The following USP34 variants were observed in gnomAD, a reference collection of about 807,000 sequenced individuals.
USP34 encodes ubiquitin carboxyl-terminal hydrolase 34.
Under a neutral mutation model 460.3 loss-of-function variants are expected in USP34, and 70 were observed. The observed-to-expected ratio is 0.15, with a 90% CI of 0.13 to 0.19. The LOEUF (loss-of-function observed/expected upper bound fraction) is 0.19, where lower values mean the gene tolerates loss of function less well. Ranked by LOEUF, USP34 falls within the 10% of genes least tolerant of loss-of-function variation. The pLI is 1.00. For missense variants in USP34, 3,985 were observed against 4,236.2 expected (o/e 0.94, Z 1.65); for synonymous variants, 1,647 against 1,405.3 (o/e 1.17, Z -3.85).
In USP34 at chr2:61,414,158, G is replaced by C. The variant is rs1694128696; in HGVS notation, c.131+6588C>G. 2.6e-5 allele frequency among the ~76,000 whole-genome samples: 4 copies of C among 151,998 alleles called. No homozygotes were observed. The South Asian group carries it at 6.2e-4, about 24-fold the overall frequency. On this transcript the variant is annotated intron_variant, in intron 2 of 79. Coordinates refer to ENST00000398571, the MANE Select transcript of USP34 (RefSeq NM_014709.4). ...TAGTCCCAGCTACTCGGGAGGCTGAGGCAGGAGAACTGCTTGGACCCAGGA... is the reference window on the plus strand; with the variant it reads ...TAGTCCCAGCTACTCGGGAGGCTGACGCAGGAGAACTGCTTGGACCCAGGA...
At chr2:61,262,182 C>CTTT (rs537665771) in intron 43 of USP34, among the ~76,000 whole-genome samples, 32 of 131,076 alleles carry the variant, frequency 2.4e-4, no homozygotes, top group African/African-American at 8.3e-4. Flanking sequence ...CACAGGTCTC[C>CTTT]TTTTTTTTTT....
intron 1 of USP34, among the ~76,000 whole-genome samples, chr2:61,453,221 G>A (rs1324684714): frequency 6.6e-6 from 1 of 151,996 alleles, no homozygotes; most frequent in African/African-American, 2.4e-5. Flanking sequence ...GACCAGCCTG[G>A]GCAACATGGT....
At chr2:61,438,950 G>A (rs545710361) in intron 1 of USP34, among the ~76,000 whole-genome samples, 1 of 152,174 alleles carries the variant, frequency 6.6e-6, no homozygotes, top group East Asian at 1.9e-4. Flanking sequence ...ACACCTCAGA[G>A]CTAAAAAATT....
At chr2:61,296,419 T>G (rs12622458) in intron 30 of USP34, among the ~76,000 whole-genome samples, 49,738 of 152,094 alleles carry the variant, frequency 0.33, 8,346 homozygotes, top group Non-Finnish European at 0.38. Context: ...GTCAGTTAAT[T>G]TGTATAAGCA....
chr2:61,429,785 G>A (rs893017746), intron 1 of USP34, among the ~76,000 whole-genome samples: 3 of 152,196 alleles, frequency 2.0e-5, no homozygotes, highest in African/African-American at 7.2e-5. Flanking sequence ...TTTCTAGCTG[G>A]ACACAGTGGC....
At chr2:61,332,490 CTTGA>C (rs1256938492) in intron 19 of USP34, among the ~76,000 whole-genome samples, 1 of 151,914 alleles carries the variant, frequency 6.6e-6, no homozygotes, top group East Asian at 1.9e-4. Flanking sequence ...GGTTCGGGTA[CTTGA>C]TTAAGTAACT....
At chr2:61,296,661 G>A in intron 30 of USP34, 139 bp downstream of exon 30, 3 of 734,244 alleles carry the variant, frequency 4.1e-6, no homozygotes, top group Non-Finnish European at 6.2e-6. Flanking sequence ...AAAATGCAGT[G>A]GCACTTTTTA....
At chr2:61,359,788 T>G (rs935079291) in intron 10 of USP34, among the ~76,000 whole-genome samples, 1 of 144,630 alleles carries the variant, frequency 6.9e-6, no homozygotes, top group African/African-American at 2.6e-5. Context: ...TGTTTTTTTT[T>G]TTTTTTTTTT....
chr2:61,429,032 AT>A (rs1236904018), intron 1 of USP34, among the ~76,000 whole-genome samples: 5 of 152,168 alleles, frequency 3.3e-5, no homozygotes, highest in Non-Finnish European at 7.3e-5. Context: ...AATAAAAAAA[AT>A]AAAATAAATA....
chr2:61,191,099 A>G (rs1373824597), intron 76 of USP34: 1 of 155,970 alleles, frequency 6.4e-6, no homozygotes, highest in African/African-American at 2.4e-5. Context: ...AAAATGTTTT[A>G]AACTTTACTG....
intron 62 of USP34, among the ~76,000 whole-genome samples, chr2:61,226,483 T>C (rs767186939): frequency 1.3e-5 from 2 of 152,192 alleles, no homozygotes; most frequent in African/African-American, 2.4e-5. Flanking sequence ...TCTGTCATCA[T>C]AGCATTCCCT....
chr2:61,351,233 A>T (rs1316611674), intron 10 of USP34, among the ~76,000 whole-genome samples: 1 of 152,220 alleles, frequency 6.6e-6, no homozygotes, highest in Non-Finnish European at 1.5e-5. Context: ...AATTACGCTT[A>T]GGAGAAAAAA....
intron 62 of USP34, 110 bp from the exon 63 acceptor site, chr2:61,223,406 C>A: frequency 9.2e-7 from 1 of 1,090,068 alleles, no homozygotes; most frequent in Non-Finnish European, 1.3e-6. Context: ...TATTAACCTG[C>A]CATCATAAAA....
chr2:61,430,362 C>T (rs1694633856), intron 1 of USP34, among the ~76,000 whole-genome samples: 1 of 152,194 alleles, frequency 6.6e-6, no homozygotes, highest in Non-Finnish European at 1.5e-5. Flanking sequence ...CAGGATCGTG[C>T]CATTGCACTC....
chr2:61,374,479 G>A (rs906656826), intron 8 of USP34, among the ~76,000 whole-genome samples: 2 of 152,168 alleles, frequency 1.3e-5, no homozygotes, highest in African/African-American at 4.8e-5. Context: ...ACATAGCAGT[G>A]AAAGATTAGA....
chr2:61,203,715 G>C (rs775824025), intron 74 of USP34, among the ~76,000 whole-genome samples: 25 of 152,064 alleles, frequency 1.6e-4, no homozygotes, highest in Non-Finnish European at 2.9e-4. Flanking sequence ...AAAGATAAAG[G>C]GAAAAATTGT....
At chr2:61,385,545 G>A (rs556017885) in intron 5 of USP34, among the ~76,000 whole-genome samples, 28 of 151,608 alleles carry the variant, frequency 1.8e-4, no homozygotes, top group Non-Finnish European at 2.4e-4. Flanking sequence ...GGTGGCGGGC[G>A]CCTGTAGTCC....
At position 61,469,020 on chromosome 2, in the gene USP34, A is replaced by C. The variant is rs371671817; in HGVS notation, c.43+1630T>G. On this transcript the variant is annotated intron_variant, in intron 1 of 79. Transcript: ENST00000398571. ...TCAGGAGCTCAAGACCAGCCTGACC[A>C]ACATGGTGAAACCCCGTCTCTACCA... Among the ~76,000 whole-genome samples the C allele has an allele frequency of 1.2e-3, 186 of 152,296 alleles. 7 individuals carry two copies. In the South Asian group the frequency reaches 0.037, roughly 30 times the overall value.
intron 3 of USP34, among the ~76,000 whole-genome samples, chr2:61,401,446 C>G (rs1485808176): frequency 6.6e-6 from 1 of 151,458 alleles, no homozygotes; most frequent in Non-Finnish European, 1.5e-5. Context: ...CTATGTTGCC[C>G]AGCCTAGACT....
Sources: gnomAD v4.1 joint callset for allele counts (sites outside exome capture counted in the v4.1 genomes callset) on GRCh38, gnomAD v4.1.1 for gene constraint, MANE v1.5 for transcripts, NCBI Gene and HGNC (gene_info 2026-07-23, HGNC 2026-07-21) for gene names.